The following CEP43 variants were observed in gnomAD, a reference collection of about 807,000 sequenced individuals.
The protein encoded by CEP43 is FGFR1 oncogene partner.
Under a neutral mutation model 52.6 loss-of-function variants are expected in CEP43, and 36 were observed. That is an observed-to-expected ratio of 0.68 (90% CI 0.52 to 0.90). The LOEUF is 0.90. CEP43 is among the 40% of genes least tolerant of loss of function. The pLI is 0.00. For synonymous variants in CEP43, 192 were observed against 172.4 expected (o/e 1.11, Z -0.89); for missense variants, 506 against 472.8 (o/e 1.07, Z -0.65).
chr6:167,008,080 G>A (rs907552572), intron 5 of CEP43, among the ~76,000 whole-genome samples: 73 of 149,558 alleles, frequency 4.9e-4, no homozygotes, highest in African/African-American at 1.8e-3. Context: ...CTTATGAAAT[G>A]TTCTGTGTGA....
Position 167,041,843 on chromosome 6 carries a change from G to GC in CEP43, c.*1865_*1866insC. 5 of 253,744 alleles carry GC rather than the reference G, an allele frequency of 2.0e-5. No individual in the cohort carries two copies. Among genetic ancestry groups the GC allele is most frequent in the Non-Finnish European group, 2.9e-5 (5 of 170,998 alleles). The allele number at this position is 253,744 out of a possible 1,614,324, so 15.7% of individuals were successfully genotyped here. A position where few individuals can be genotyped will look rare whatever the true frequency, so the allele number is the denominator to read the frequency against. On this transcript the variant is annotated 3_prime_UTR_variant, in exon 13 of 13. Coordinates refer to ENST00000366847, the MANE Select transcript of CEP43 (RefSeq NM_007045.4). ...ATCTTTTTTTTGCGGGGGGCGGGGG[G>GC]GACAGAGTCTCACTGTGTCACTCAG...
chr6:167,022,682 GAT>G (rs1217368288), intron 8 of CEP43, 47 bp downstream of exon 8: 1 of 1,189,468 alleles, frequency 8.4e-7, no homozygotes, highest in Admixed American at 2.1e-5. Flanking sequence ...TTAAAAATAA[GAT>G]AAATGTTTTC....
At chr6:167,026,868 CG>C (rs1562530907) in intron 10 of CEP43, among the ~76,000 whole-genome samples, 1 of 152,166 alleles carries the variant, frequency 6.6e-6, no homozygotes, top group Non-Finnish European at 1.5e-5. Flanking sequence ...GAACATTAAA[CG>C]GGCATCTACA....
At chr6:167,030,524 C>A (rs969653683) in intron 10 of CEP43, among the ~76,000 whole-genome samples, 1 of 152,194 alleles carries the variant, frequency 6.6e-6, no homozygotes, top group East Asian at 1.9e-4. Flanking sequence ...CCTGACATGT[C>A]CCTCCTGACT....
chr6:167,027,775 C>T (rs1780385397), intron 10 of CEP43: 1 of 618,970 alleles, frequency 1.6e-6, no homozygotes, highest in South Asian at 7.2e-5. Flanking sequence ...TTAAATATCT[C>T]TTCATATGTA....
chr6:167,040,561 G>A lies in CEP43; in HGVS notation c.*583G>A, dbSNP rs2128669240. The A allele has an allele frequency of 1.9e-6, 2 of 1,075,192 alleles. No individual in the cohort carries two copies. The highest frequency in any genetic ancestry group is 2.3e-6 in the Non-Finnish European group (2 of 882,938). The allele number at this position is 1,075,192 out of a possible 1,614,324, so 66.6% of individuals were successfully genotyped here. ...GTTAGACCATTAAGGTTATATTAAA[G>A]TACTCTTGTGTGTGCTATTTAGTTT... On this transcript the variant is annotated 3_prime_UTR_variant, in exon 13 of 13. Transcript: ENST00000366847.
chr6:167,032,897 G>A (rs1033113007), intron 11 of CEP43, among the ~76,000 whole-genome samples: 23 of 152,102 alleles, frequency 1.5e-4, no homozygotes, highest in African/African-American at 5.6e-4. Context: ...AGAAACAATT[G>A]AAGAATTAAC....
intron 1 of CEP43, 60 bp downstream of exon 1, chr6:166,999,574 C>T (rs1322127782): frequency 1.3e-5 from 16 of 1,227,052 alleles, no homozygotes; most frequent in Middle Eastern, 5.8e-4. Context: ...GGACAGCGGG[C>T]GTCACAACGG....
chr6:167,022,312 C>CAA, intron 7 of CEP43, 97 bp from the exon 8 acceptor site: 2 of 833,770 alleles, frequency 2.4e-6, no homozygotes, highest in African/African-American at 1.7e-5. Context: ...TGCACACACA[C>CAA]AGGTTTGATT....
At chr6:167,031,455 C>T (rs1358771667) in intron 10 of CEP43, among the ~76,000 whole-genome samples, 1 of 152,202 alleles carries the variant, frequency 6.6e-6, no homozygotes, top group Non-Finnish European at 1.5e-5. Context: ...CATTGCTATA[C>T]CTCTAGGGGA....
intron 8 of CEP43, among the ~76,000 whole-genome samples, chr6:167,024,439 T>C (rs771390261): frequency 6.6e-6 from 1 of 152,156 alleles, no homozygotes; most frequent in African/African-American, 2.4e-5. Context: ...GTGGCACTTA[T>C]TTGCTAGTAA....
intron 7 of CEP43, among the ~76,000 whole-genome samples, chr6:167,015,458 T>C (rs1018913299): frequency 1.3e-5 from 2 of 152,228 alleles, no homozygotes; most frequent in Non-Finnish European, 2.9e-5. Context: ...CCAGATGCTA[T>C]GTTGCATGTG....
chr6:167,018,530 A>G (rs1447856197), intron 7 of CEP43, among the ~76,000 whole-genome samples: 1 of 151,986 alleles, frequency 6.6e-6, no homozygotes, highest in Non-Finnish European at 1.5e-5. Flanking sequence ...AGCTGGGATT[A>G]CAGGCACGTG....
intron 5 of CEP43, among the ~76,000 whole-genome samples, chr6:167,005,282 T>C (rs1779827074): frequency 6.6e-6 from 1 of 152,182 alleles, no homozygotes; most frequent in Non-Finnish European, 1.5e-5. Context: ...TAAGATAAAA[T>C]ATAAGAAACT....
At chr6:167,004,938 T>C (rs1332282161) in intron 5 of CEP43, among the ~76,000 whole-genome samples, 1 of 152,254 alleles carries the variant, frequency 6.6e-6, no homozygotes, top group African/African-American at 2.4e-5. Flanking sequence ...ACTTACACTT[T>C]TTTGATCAGT....
intron 2 of CEP43, 72 bp downstream of exon 2, chr6:167,000,185 T>A (rs1005614104): frequency 3.4e-5 from 41 of 1,219,812 alleles, no homozygotes; most frequent in Non-Finnish European, 4.4e-5. Context: ...AAAACCGTCT[T>A]AAAAATAGTT....
rs1466549105 is a variant in CEP43, at chr6:167,040,182, T to C, written c.*204T>C. 2 of 1,531,008 alleles carry C rather than the reference T, an allele frequency of 1.3e-6. No individual in the cohort carries two copies. The highest frequency in any genetic ancestry group is 1.7e-6 in the Non-Finnish European group (2 of 1,144,122). 94.8% of individuals were successfully genotyped at this position (1,531,008 alleles called of 1,614,324 possible). Reference sequence around the variant, plus strand: ...TTGAGCCCATGTGTGGAAGATTTAATATTCTTAATTTAACTGTACATTTCT... The same window carrying C: ...TTGAGCCCATGTGTGGAAGATTTAACATTCTTAATTTAACTGTACATTTCT... On this transcript the variant is annotated 3_prime_UTR_variant, in exon 13 of 13. Coordinates refer to ENST00000366847, the MANE Select transcript of CEP43 (RefSeq NM_007045.4).
At chr6:167,012,408 GTGA>G (rs1780006562) in intron 6 of CEP43, among the ~76,000 whole-genome samples, 1 of 151,886 alleles carries the variant, frequency 6.6e-6, no homozygotes, top group African/African-American at 2.4e-5. Context: ...TATAACCCCA[GTGA>G]TAGAGTAAGG....
chr6:167,000,277 T>C (rs1307849923), intron 2 of CEP43, among the ~76,000 whole-genome samples, 164 bp downstream of exon 2: 3 of 152,244 alleles, frequency 2.0e-5, no homozygotes, highest in Non-Finnish European at 4.4e-5. Context: ...TATTCTTTTT[T>C]CGTGTAGCTT....
Sources: allele counts gnomAD v4.1 joint callset (sites outside exome capture counted in the v4.1 genomes callset), GRCh38; gene constraint gnomAD v4.1.1; transcripts MANE v1.5; gene names NCBI Gene and HGNC (gene_info 2026-07-23, HGNC 2026-07-21).